The following NPBWR2 variants were observed in gnomAD, a reference collection of about 807,000 sequenced individuals.
The protein encoded by NPBWR2 is neuropeptides B/W receptor type 2.
For synonymous variants in NPBWR2, 207 were observed against 223.5 expected (o/e 0.93, Z 0.66); for missense variants, 390 against 458.2 (o/e 0.85, Z 1.36).
rs1979983028 is a variant in NPBWR2 at position 64,105,714 on chromosome 20, GTGGT to G, written c.*112_*115del. On this transcript the variant is annotated 3_prime_UTR_variant, in exon 2 of 2. Coordinates refer to ENST00000684052, the MANE Select transcript of NPBWR2 (RefSeq NM_005286.4). ...GGTGGTGGGGGTGATGGTGGGGGTG[GTGGT>G]GGGGGTGGGGGGGGGTGGGCCTGAT... The G allele has an allele frequency of 2.1e-4, 47 of 220,286 alleles. No individual in the cohort carries two copies. Among genetic ancestry groups the G allele is most frequent in the South Asian group, 4.3e-4 (8 of 18,506 alleles). The allele number at this position is 220,286 out of a possible 1,614,324, so 13.6% of individuals were successfully genotyped here. A position where few individuals can be genotyped will look rare whatever the true frequency, so the allele number is the denominator to read the frequency against.
rs1031564721 is a variant in NPBWR2 at position 64,105,153 on chromosome 20, G to C, written c.*677C>G. Among the ~76,000 whole-genome samples the C allele has an allele frequency of 1.3e-4, 20 of 152,070 alleles. No individual in the cohort carries two copies. Among genetic ancestry groups the C allele is most frequent in the Non-Finnish European group, 2.6e-4 (18 of 68,000 alleles). ...CCACCCCCCGGCCCCATCTTGGGGA[G>C]AGACTATGTAACGTGGCCCAGGTCA... is the stretch of plus-strand genomic sequence containing the variant. On this transcript the variant is annotated 3_prime_UTR_variant, in exon 2 of 2. Transcript: ENST00000684052.
In NPBWR2 at chr20:64,107,251, C is replaced by T. The variant is rs969170403; in HGVS notation, c.-92+113G>A. 1 of 232,142 alleles carries T rather than the reference C, an allele frequency of 4.3e-6. No individual in the cohort carries two copies. The highest frequency in any genetic ancestry group is 5.1e-5 in the Admixed American group (1 of 19,726). The allele number at this position is 232,142 out of a possible 1,614,324, so 14.4% of individuals were successfully genotyped here. On this transcript the variant is annotated intron_variant, in intron 1 of 1. Transcript: ENST00000684052. The surrounding 1 kb of genome is among the most constrained non-coding windows in gnomAD (Gnocchi z 6.3). ...ACACCTCCCAAGCTCATCTCTGGCT[C>T]CCTTGAATCTGAAGGTCCTTCCCTC... is the stretch of plus-strand genomic sequence containing the variant.
Position 64,105,657 on chromosome 20 carries a change from G to GTGGGCATGATGA in NPBWR2, c.*161_*172dup, listed in dbSNP as rs1462292604. 4.2e-4 allele frequency among the ~76,000 whole-genome samples: 12 copies of GTGGGCATGATGA among 28,276 alleles called. No individual in the cohort carries two copies. The highest frequency in any genetic ancestry group is 2.2e-3 in the East Asian group (1 of 448). The allele number at this position is 28,276 out of a possible 152,430, so 18.6% of individuals were successfully genotyped here. On this transcript the variant is annotated 3_prime_UTR_variant, in exon 2 of 2. Coordinates refer to ENST00000684052, the MANE Select transcript of NPBWR2 (RefSeq NM_005286.4). ...GGGCGTGATGGTGGATGTGATGGGG[G>GTGGGCATGATGA]TGGGCATGATGATGGGCGTGATGAT...
At position 64,105,643 on chromosome 20, in the gene NPBWR2, T is replaced by TGG. The variant is rs1979966183; in HGVS notation, c.*185_*186dup. ...GGGGTGATGGGGGTGGGCGTGATGG[T>TGG]GGATGTGATGGGGGTGGGCATGATG... On this transcript the variant is annotated 3_prime_UTR_variant, in exon 2 of 2. Transcript: ENST00000684052. Among the ~76,000 whole-genome samples the TGG allele has an allele frequency of 2.7e-4, 5 of 18,234 alleles. No individual in the cohort carries two copies. Among genetic ancestry groups the TGG allele is most frequent in the Non-Finnish European group, 4.6e-4 (5 of 10,894 alleles). The allele number at this position is 18,234 out of a possible 152,430, so 12.0% of individuals were successfully genotyped here.
Position 64,106,958 on chromosome 20 carries a change from G to T in NPBWR2, c.-91-36C>A. The T allele has an allele frequency of 1.6e-6, 2 of 1,217,816 alleles. No homozygotes were observed. Among genetic ancestry groups the T allele is most frequent in the Non-Finnish European group, 2.3e-6 (2 of 878,818 alleles). 75.4% of individuals were successfully genotyped at this position (1,217,816 alleles called of 1,614,324 possible). A position where few individuals can be genotyped will look rare whatever the true frequency, so the allele number is the denominator to read the frequency against. ...AAAACAACCAGAGACTTTGAGATCC[G>T]GCCGTCTGTTAGGGCACAGCCACTC... On this transcript the variant is annotated intron_variant, in intron 1 of 1. Coordinates refer to ENST00000684052, the MANE Select transcript of NPBWR2 (RefSeq NM_005286.4). The surrounding 1 kb of genome is among the most constrained non-coding windows in gnomAD (Gnocchi z 9.5).
rs373149762 is a variant in NPBWR2, at chr20:64,106,525, C to T, written c.307G>A (p.Ala103Thr). The change falls in exon 2 of 2, where the codon GCG becomes ACG. Residue 103 changes from alanine (A) to threonine (T), a missense_variant. Ala to Thr is a moderately conservative substitution (Grantham distance 58, BLOSUM62 0). Transcript: ENST00000684052. The surrounding 1 kb of genome is among the most constrained non-coding windows in gnomAD (Gnocchi z 9.5). ...GGCCAGTACTGCAGCAGGTGCTCCG[C>T]GATGTTGACGGGCAGTACCAGCGTG... is the stretch of plus-strand genomic sequence containing the variant. ...LFTLVLPVNIAEHLLQYWPFG... is the reference protein window; with the variant it reads ...LFTLVLPVNITEHLLQYWPFG... The T allele has an allele frequency of 9.3e-6, 15 of 1,612,264 alleles. No homozygotes were observed. Among genetic ancestry groups the T allele is most frequent in the Middle Eastern group, 1.6e-4 (1 of 6,084 alleles).
In NPBWR2 at chr20:64,105,097, G is replaced by A. The variant is rs375092327; in HGVS notation, c.*733C>T. The stretch of plus-strand genomic sequence containing the variant: ...AGGTGTCCGCCTTTGCAGCAACACA[G>A]CATCGCTGCTGCCTGAGGTGCCCGC... On this transcript the variant is annotated 3_prime_UTR_variant, in exon 2 of 2. Coordinates refer to ENST00000684052, the MANE Select transcript of NPBWR2 (RefSeq NM_005286.4). Among the ~76,000 whole-genome samples the A allele has an allele frequency of 2.6e-3, 394 of 152,266 alleles. 21 individuals carry two copies. The South Asian group carries it at 0.072, about 28-fold the overall frequency.
In NPBWR2 at chr20:64,106,433, G is replaced by T. The variant is rs1217146689; in HGVS notation, c.399C>A (p.Tyr133Ter). Reference sequence around the variant, plus strand: ...GGTCCACGCTCATCACGGCTAGGAAGTAGATGCTGGAGAAGATGTTGTAGT... The same window carrying T: ...GGTCCACGCTCATCACGGCTAGGAATTAGATGCTGGAGAAGATGTTGTAGT... The part of the protein sequence containing the change: ...VDHYNIFSSI[Y>*]FLAVMSVDRY... Residue 133 changes from tyrosine (Y) to a stop codon, truncating the protein, a stop_gained, in exon 2 of 2, where the codon TAC becomes TAA. Transcript: ENST00000684052. LOFTEE classifies it low-confidence loss of function (END_TRUNC). This position sits in a 1 kb window ranked among gnomAD's most constrained non-coding sequence, Gnocchi z 9.5. The T allele has an allele frequency of 6.2e-7, 1 of 1,612,828 alleles. No individual in the cohort carries two copies. The highest frequency in any genetic ancestry group is 1.1e-5 in the South Asian group (1 of 91,086).
In NPBWR2 at chr20:64,103,896, T is replaced by G. The variant is rs948574185; in HGVS notation, c.*1934A>C. ...TGGAGATGGCCGTGGCGTGTTTGGC[T>G]GGCTAGCACGGAGGAGGGGCACTGC... is the stretch of plus-strand genomic sequence containing the variant. On this transcript the variant is annotated 3_prime_UTR_variant, in exon 2 of 2. Transcript: ENST00000684052. Among the ~76,000 whole-genome samples the G allele has an allele frequency of 2.6e-5, 4 of 152,242 alleles. No individual in the cohort carries two copies. The highest frequency in any genetic ancestry group is 9.6e-5 in the African/African-American group (4 of 41,458).
rs1168667965 is a variant in NPBWR2, at chr20:64,105,635, C to G, written c.*195G>C. 4.5e-4 allele frequency among the ~76,000 whole-genome samples: 5 copies of G among 10,996 alleles called. No individual in the cohort carries two copies. The highest frequency in any genetic ancestry group is 6.5e-3 in the East Asian group (1 of 154). The allele number at this position is 10,996 out of a possible 152,430, so 7.2% of individuals were successfully genotyped here. On this transcript the variant is annotated 3_prime_UTR_variant, in exon 2 of 2. Transcript: ENST00000684052. ...TGGGGGTGGGGGTGATGGGGGTGGG[C>G]GTGATGGTGGATGTGATGGGGGTGG...
Position 64,105,765 on chromosome 20 carries a change from A to ATGATGGGGGTGGTGG in NPBWR2, c.*64_*65insCCACCACCCCCATCA. The stretch of plus-strand genomic sequence containing the variant: ...TGATGGGGGTGTGGGCATGATGATG[A>ATGATGGGGGTGGTGG]TGGGCGTGATGATGATGGGGGGTGA... On this transcript the variant is annotated 3_prime_UTR_variant, in exon 2 of 2. Transcript: ENST00000684052. 1.9e-6 allele frequency: 2 copies of ATGATGGGGGTGGTGG among 1,056,314 alleles called. No homozygotes were observed. The highest frequency in any genetic ancestry group is 2.6e-6 in the Non-Finnish European group (2 of 784,044). The allele number at this position is 1,056,314 out of a possible 1,614,324, so 65.4% of individuals were successfully genotyped here.
chr20:64,106,579 G>A lies in NPBWR2; in HGVS notation c.253C>T (p.Leu85=), dbSNP rs1160296943. Residue 85 remains leucine (L), a synonymous_variant, in exon 2 of 2, where the codon CTG becomes TTG. Transcript: ENST00000684052. This position sits in a 1 kb window ranked among gnomAD's most constrained non-coding sequence, Gnocchi z 9.5. The stretch of plus-strand genomic sequence containing the variant: ...AGCCCGTCGGCGACGGCCAGGTTCA[G>A]GATGAACACGTTGGTCACCGTCTTC... ...KMKTVTNVFI[L]NLAVADGLFT... The A allele has an allele frequency of 6.2e-7, 1 of 1,611,678 alleles. No individual in the cohort carries two copies. The highest frequency in any genetic ancestry group is 8.5e-7 in the Non-Finnish European group (1 of 1,179,968).
At position 64,106,145 on chromosome 20, in the gene NPBWR2, A is replaced by G. The variant is rs370407034; in HGVS notation, c.687T>C (p.Cys229=). 1.9e-6 allele frequency: 3 copies of G among 1,612,360 alleles called. No homozygotes were observed. Among genetic ancestry groups the G allele is most frequent in the South Asian group, 2.2e-5 (2 of 91,078 alleles). Residue 229 remains cysteine, a synonymous_variant, in exon 2 of 2, where the codon TGT becomes TGC. Transcript: ENST00000684052. This position sits in a 1 kb window ranked among gnomAD's most constrained non-coding sequence, Gnocchi z 9.5. ...TGCGCAGGAGGTCTGTGTAGAGCAC[A>G]CAGATGGTGCACACGGGCAGCACGA... ...LGFVLPVCTI[C]VLYTDLLRRL...
rs748671809 is a variant in NPBWR2, at chr20:64,106,725, G to A, written c.107C>T (p.Thr36Ile). The change falls in exon 2 of 2, where the codon ACC (threonine) becomes ATC (isoleucine). Residue 36 changes from threonine to isoleucine, a missense_variant. Thr to Ile is a moderately conservative substitution (Grantham distance 89, BLOSUM62 -1). Transcript: ENST00000684052. This position sits in a 1 kb window ranked among gnomAD's most constrained non-coding sequence, Gnocchi z 9.5. ...GAGGAACGGCAGTGGCTCGGAGAAGGTGGCATTGTGGCCAGTGCCATTGTC... is the reference window on the plus strand; with the variant it reads ...GAGGAACGGCAGTGGCTCGGAGAAGATGGCATTGTGGCCAGTGCCATTGTC... ...SQDNGTGHNA[T>I]FSEPLPFLYV... is the part of the protein sequence containing the mutation. The A allele has an allele frequency of 2.2e-5, 36 of 1,612,612 alleles. No homozygotes were observed. The Middle Eastern group carries it at 8.2e-4, about 37-fold the overall frequency.
In NPBWR2 at chr20:64,106,713, G is replaced by A. The variant is rs138229040; in HGVS notation, c.119C>T (p.Pro40Leu). ...GTGHNATFSE[P>L]LPFLYVLLPA... ...CAGGAGCACATAGAGGAACGGCAGT[G>A]GCTCGGAGAAGGTGGCATTGTGGCC... Residue 40 changes from proline (P) to leucine (L), a missense_variant, in exon 2 of 2, where the codon CCA becomes CTA. By Grantham distance (98) the Pro-to-Leu change is moderately conservative. Transcript: ENST00000684052. This position sits in a 1 kb window ranked among gnomAD's most constrained non-coding sequence, Gnocchi z 9.5. 2.2e-5 allele frequency: 36 copies of A among 1,612,658 alleles called. No individual in the cohort carries two copies. In the African/African-American group the frequency reaches 4.5e-4, roughly 20 times the overall value.
Position 64,106,385 on chromosome 20 carries a change from G to A in NPBWR2, c.447C>T (p.Thr149=), listed in dbSNP as rs752158865. The A allele has an allele frequency of 1.9e-5, 31 of 1,612,482 alleles. No individual in the cohort carries two copies. The highest frequency in any genetic ancestry group is 3.3e-5 in the Admixed American group (2 of 59,978). ...GCCAGGGCATGTGGCGGGACCTCAC[G>A]GTGGCCAGCACCACCAGGTATCGGT... The part of the protein sequence containing the change: ...SVDRYLVVLA[T]VRSRHMPWRT... The change falls in exon 2 of 2, where the codon ACC becomes ACT. Residue 149 remains threonine (T), a synonymous_variant. Transcript: ENST00000684052. This position sits in a 1 kb window ranked among gnomAD's most constrained non-coding sequence, Gnocchi z 9.5.
At position 64,105,752 on chromosome 20, in the gene NPBWR2, G is replaced by A; in HGVS notation, c.*78C>T. The A allele has an allele frequency of 8.2e-7, 1 of 1,219,544 alleles. No individual in the cohort carries two copies. The highest frequency in any genetic ancestry group is 1.1e-6 in the Non-Finnish European group (1 of 889,592). 75.5% of individuals were successfully genotyped at this position (1,219,544 alleles called of 1,614,324 possible). ...GGGGGGGTGGGCCTGATGGGGGTGT[G>A]GGCATGATGATGATGGGCGTGATGA... is the stretch of plus-strand genomic sequence containing the variant. On this transcript the variant is annotated 3_prime_UTR_variant, in exon 2 of 2. Coordinates refer to ENST00000684052, the MANE Select transcript of NPBWR2 (RefSeq NM_005286.4).
chr20:64,106,535 G>A lies in NPBWR2; in HGVS notation c.297C>T (p.Pro99=), dbSNP rs41278242. 0.033 allele frequency: 53,358 copies of A among 1,612,188 alleles called. 1,052 individuals carry two copies. Among genetic ancestry groups the A allele is most frequent in the Non-Finnish European group, 0.039 (45,901 of 1,179,946 alleles). Residue 99 remains proline, a synonymous_variant, in exon 2 of 2, where the codon CCC becomes CCT. Transcript: ENST00000684052. This position sits in a 1 kb window ranked among gnomAD's most constrained non-coding sequence, Gnocchi z 9.5. ...VADGLFTLVL[P]VNIAEHLLQY... ...GCAGCAGGTGCTCCGCGATGTTGACGGGCAGTACCAGCGTGAAGAGCCCGT... is the reference window on the plus strand; with the variant it reads ...GCAGCAGGTGCTCCGCGATGTTGACAGGCAGTACCAGCGTGAAGAGCCCGT...
Position 64,106,242 on chromosome 20 carries a change from C to G in NPBWR2, c.590G>C (p.Cys197Ser). 1 of 1,612,794 alleles carries G rather than the reference C, an allele frequency of 6.2e-7. No individual in the cohort carries two copies. The highest frequency in any genetic ancestry group is 8.5e-7 in the Non-Finnish European group (1 of 1,179,986). The stretch of plus-strand genomic sequence containing the variant: ...CTCGGGCCACGGGAAGCTCAGCCCA[C>G]AGCTTGGGACCTGCAGCTCGTTGCT... ...VYSNELQVPS[C>S]GLSFPWPEQV... Residue 197 changes from cysteine to serine, a missense_variant, in exon 2 of 2, where the codon TGT becomes TCT. Coordinates refer to ENST00000684052, the MANE Select transcript of NPBWR2 (RefSeq NM_005286.4). This position sits in a 1 kb window ranked among gnomAD's most constrained non-coding sequence, Gnocchi z 9.5.
Sources: gnomAD v4.1 joint callset for allele counts (sites outside exome capture counted in the v4.1 genomes callset) on GRCh38, gnomAD v4.1.1 for gene constraint, Gnocchi (gnomAD v3.1) non-coding constraint, MANE v1.5 for transcripts, NCBI Gene and HGNC (gene_info 2026-07-23, HGNC 2026-07-21) for gene names.